WSCD2: variants seen among roughly 807,000 people sequenced by gnomAD.
WSCD2 encodes WSC domain sialate O sulfotransferase 2, also known as sialate:O-sulfotransferase 2.
Under a neutral mutation model 55.7 loss-of-function variants are expected in WSCD2, and 28 were observed. The ratio of observed to expected loss-of-function variants is 0.50; its 90% confidence interval spans 0.37 to 0.69. The LOEUF is 0.69. Ranked by LOEUF, WSCD2 falls within the 30% of genes least tolerant of loss-of-function variation. The probability of loss-of-function intolerance (pLI) is 0.00; values close to 1 mark genes in which losing one functional copy is unlikely to be tolerated. For missense variants in WSCD2, 616 were observed against 762.1 expected, an observed-to-expected ratio of 0.81 and a Z score of 2.26; for synonymous variants, 301 against 301.9, an observed-to-expected ratio of 1.00 and a Z score of 0.03.
intron 5 of WSCD2, among the ~76,000 whole-genome samples, chr12:108,226,453 T>C (rs2137167944): frequency 6.6e-6 from 1 of 152,216 alleles, no homozygotes; most frequent in South Asian, 2.1e-4. Context: ...CAAGGGGGCA[T>C]TTACTGTGGT....
At chr12:108,224,893 G>A (rs1474825076) in intron 5 of WSCD2, 33 bp downstream of exon 5, 1 of 1,606,762 alleles carries the variant, frequency 6.2e-7, no homozygotes, top group Non-Finnish European at 8.5e-7. Flanking sequence ...GGAACTCAGG[G>A]GGAGGGAACC....
At chr12:108,229,942 A>C (rs531125677) in intron 6 of WSCD2, among the ~76,000 whole-genome samples, 4 of 151,904 alleles carry the variant, frequency 2.6e-5, no homozygotes, top group Non-Finnish European at 4.4e-5. Flanking sequence ...CTCATTCCAT[A>C]GAATTTTGTG....
chr12:108,210,049 C>G lies in WSCD2; in HGVS notation c.498-72C>G. 6.3e-7 allele frequency: 1 copy of G among 1,597,714 alleles called. No homozygotes were observed. The highest frequency in any genetic ancestry group is 8.6e-7 in the Non-Finnish European group (1 of 1,168,370). ...CCCAGAGCCCTCCCATCCCCCAGGTCTCCATGTTGTGTCTCCCTGCCTCGG... is the reference window on the plus strand; with the variant it reads ...CCCAGAGCCCTCCCATCCCCCAGGTGTCCATGTTGTGTCTCCCTGCCTCGG... On this transcript the variant is annotated intron_variant, in intron 3 of 8. Transcript: ENST00000547525. The surrounding 1 kb of genome is among the most constrained non-coding windows in gnomAD (Gnocchi z 4.3).
chr12:108,149,964 G>T (rs1040290392), intron 1 of WSCD2: 1 of 152,094 alleles, frequency 6.6e-6, no homozygotes, highest in Non-Finnish European at 1.5e-5. Flanking sequence ...CAGTGAGGTC[G>T]GGCAATTTGA....
chr12:108,246,540 A>T (rs1049086364), intron 8 of WSCD2, among the ~76,000 whole-genome samples: 5 of 151,952 alleles, frequency 3.3e-5, no homozygotes, highest in African/African-American at 1.2e-4. Flanking sequence ...CACTTTCCCC[A>T]GCTCCTCCTT....
intron 1 of WSCD2, among the ~76,000 whole-genome samples, chr12:108,166,401 C>G (rs2136953868): frequency 6.6e-6 from 1 of 152,324 alleles, no homozygotes; most frequent in South Asian, 2.1e-4. Context: ...CATTGAGATT[C>G]TTAGGGTGTC....
At chr12:108,136,591 C>T (rs1340429853) in intron 1 of WSCD2, among the ~76,000 whole-genome samples, 1 of 152,150 alleles carries the variant, frequency 6.6e-6, no homozygotes, top group Non-Finnish European at 1.5e-5. Context: ...ATCCTTGTGA[C>T]AGTCCTGTGA....
At chr12:108,202,934 G>T (rs376132566) in intron 2 of WSCD2, among the ~76,000 whole-genome samples, 2 of 152,188 alleles carry the variant, frequency 1.3e-5, no homozygotes, top group Non-Finnish European at 2.9e-5. Flanking sequence ...TTCTCCCAAC[G>T]AACCACCCCA....
At chr12:108,206,550 TTGTG>T (rs1885402805) in intron 3 of WSCD2, 147 bp downstream of exon 3, 2 of 746,980 alleles carry the variant, frequency 2.7e-6, no homozygotes, top group Non-Finnish European at 4.4e-6. Context: ...TGTGTGTGCA[TTGTG>T]TGTATGTGCA....
At position 108,248,933 on chromosome 12, in the gene WSCD2, C is replaced by G. The variant is rs775331492; in HGVS notation, c.*590C>G. 2 of 986,294 alleles carry G rather than the reference C, an allele frequency of 2.0e-6. No individual in the cohort carries two copies. Among genetic ancestry groups the G allele is most frequent in the Non-Finnish European group, 2.4e-6 (2 of 830,106 alleles). 61.1% of individuals were successfully genotyped at this position (986,294 alleles called of 1,614,324 possible). On this transcript the variant is annotated 3_prime_UTR_variant, in exon 9 of 9. Transcript: ENST00000547525. This position sits in a 1 kb window ranked among gnomAD's most constrained non-coding sequence, Gnocchi z 4.3. ...TGGATAGTGTGGGGAGGTAATGGTG[C>G]TCACAGTAGGTTAATTGGAGACACC... is the stretch of plus-strand genomic sequence containing the variant.
At chr12:108,188,678 G>A (rs1242818123) in intron 1 of WSCD2, among the ~76,000 whole-genome samples, 1 of 152,098 alleles carries the variant, frequency 6.6e-6, no homozygotes, top group Non-Finnish European at 1.5e-5. Context: ...TTGATTAAAG[G>A]AATTGGGGGT....
intron 7 of WSCD2, 60 bp downstream of exon 7, chr12:108,232,955 T>G: frequency 1.3e-6 from 2 of 1,583,864 alleles, no homozygotes; most frequent in South Asian, 1.1e-5. Context: ...AGGTCCCCAC[T>G]TGGAGGGTAT....
At chr12:108,229,673 C>A (rs1888519211) in intron 6 of WSCD2, among the ~76,000 whole-genome samples, 1 of 152,142 alleles carries the variant, frequency 6.6e-6, no homozygotes, top group Non-Finnish European at 1.5e-5. Context: ...TATAATACTG[C>A]CTGCAACAGT....
In WSCD2 at chr12:108,248,696, C is replaced by A. The variant is rs915309516; in HGVS notation, c.*353C>A. ...ACATCATGGAGACTTGCTGGATGCC[C>A]CATGGCAATTGTCAAGGCTCTTGAT... On this transcript the variant is annotated 3_prime_UTR_variant, in exon 9 of 9. Coordinates refer to ENST00000547525, the MANE Select transcript of WSCD2 (RefSeq NM_014653.4). The surrounding 1 kb of genome is among the most constrained non-coding windows in gnomAD (Gnocchi z 4.3). 6 of 1,040,340 alleles carry A rather than the reference C, an allele frequency of 5.8e-6. No individual in the cohort carries two copies. In the African/African-American group the frequency reaches 1.0e-4, roughly 17 times the overall value. 64.4% of individuals were successfully genotyped at this position (1,040,340 alleles called of 1,614,324 possible). A position where few individuals can be genotyped will look rare whatever the true frequency, so the allele number is the denominator to read the frequency against.
At chr12:108,221,021 A>G (rs1368310707) in intron 4 of WSCD2, among the ~76,000 whole-genome samples, 1 of 152,174 alleles carries the variant, frequency 6.6e-6, no homozygotes, top group Non-Finnish European at 1.5e-5. Context: ...GGAGGTACTC[A>G]TAGCATCTAT....
At chr12:108,150,329 A>C (rs1323156052) in intron 1 of WSCD2, among the ~76,000 whole-genome samples, 1 of 152,180 alleles carries the variant, frequency 6.6e-6, no homozygotes, top group South Asian at 2.1e-4. Flanking sequence ...AATTGTAAAT[A>C]AGTTCTTTAA....
chr12:108,220,986 T>C (rs1887450861), intron 4 of WSCD2, among the ~76,000 whole-genome samples: 1 of 152,186 alleles, frequency 6.6e-6, no homozygotes, highest in Non-Finnish European at 1.5e-5. Context: ...TCCCTCAGCC[T>C]CCTCAGTTTT....
At chr12:108,236,566 TTCTC>T (rs914223641) in intron 7 of WSCD2, among the ~76,000 whole-genome samples, 28 of 147,872 alleles carry the variant, frequency 1.9e-4, no homozygotes, top group South Asian at 4.4e-4. Flanking sequence ...CTGGCGCTCT[TTCTC>T]TCTCTCTCTC....
At chr12:108,215,710 T>C (rs1886750193) in intron 4 of WSCD2, among the ~76,000 whole-genome samples, 1 of 152,218 alleles carries the variant, frequency 6.6e-6, no homozygotes, top group Non-Finnish European at 1.5e-5. Context: ...CTTGGCCTAA[T>C]TACCCAGGGG....
Sources: allele counts gnomAD v4.1 joint callset (sites outside exome capture counted in the v4.1 genomes callset), GRCh38; gene constraint gnomAD v4.1.1; non-coding constraint Gnocchi (gnomAD v3.1); transcripts MANE v1.5; gene names NCBI Gene and HGNC (gene_info 2026-07-23, HGNC 2026-07-21).